ACACA: variants seen among roughly 807,000 people sequenced by gnomAD.
ACACA encodes acetyl-CoA carboxylase alpha, also known as acetyl-CoA carboxylase 1.
In ACACA, 103 loss-of-function variants were observed where a neutral mutation model predicts 296.1. The ratio of observed to expected loss-of-function variants is 0.35; its 90% CI spans 0.30 to 0.41. ACACA has a LOEUF of 0.41. Ranked by LOEUF, ACACA falls within the 10% of genes least tolerant of loss-of-function variation. The pLI, the probability that ACACA is intolerant of heterozygous loss-of-function variation, is 1.00. For synonymous variants in ACACA, 953 were observed against 1,038.6 expected (o/e 0.92, Z 1.58); for missense variants, 1,554 against 2,989.7 (o/e 0.52, Z 11.20).
intron 17 of ACACA, 98 bp from the exon 18 acceptor site, chr17:37,248,254 G>A (rs1445678546): frequency 3.5e-6 from 5 of 1,446,592 alleles, no homozygotes; most frequent in Non-Finnish European, 3.9e-6. Flanking sequence ...AGATCTGTCA[G>A]GAGGAAGAAA....
chr17:37,169,494 C>G (rs953581233), intron 41 of ACACA, among the ~76,000 whole-genome samples: 7 of 152,206 alleles, frequency 4.6e-5, no homozygotes, highest in African/African-American at 1.7e-4. Context: ...AGAATAGCTT[C>G]ATCTCAAAGG....
chr17:37,140,444 T>C (rs567632412), intron 45 of ACACA, among the ~76,000 whole-genome samples: 1 of 152,234 alleles, frequency 6.6e-6, no homozygotes, highest in East Asian at 1.9e-4. Flanking sequence ...CTCCCCAGCC[T>C]AAAACAGTTC....
At chr17:37,189,759 G>A (rs2077674952) in intron 38 of ACACA, among the ~76,000 whole-genome samples, 1 of 152,180 alleles carries the variant, frequency 6.6e-6, no homozygotes, top group South Asian at 2.1e-4. Context: ...GATGAGATTT[G>A]AGTCAAATGA....
intron 11 of ACACA, among the ~76,000 whole-genome samples, chr17:37,262,350 C>T (rs948230832): frequency 4.6e-5 from 7 of 152,178 alleles, no homozygotes; most frequent in Non-Finnish European, 8.8e-5. Flanking sequence ...CTTCCATATG[C>T]TTGCCCTCCA....
In ACACA at chr17:37,406,423, ATCAG is replaced by A; in HGVS notation, c.-128_-125del. ...AAACGCACCCTCTTCACCCCTTAAA[ATCAG>A]TCTGGTTCATCCACGAGCAGCCCTT... On this transcript the variant is annotated 5_prime_UTR_variant, in exon 1 of 56. The change abolishes the stop of an existing upstream ORF in the 5' untranslated region. Transcript: ENST00000616317. 9.1e-7 allele frequency: 1 copy of A among 1,104,102 alleles called. No individual in the cohort carries two copies. The highest frequency in any genetic ancestry group is 1.4e-6 in the Non-Finnish European group (1 of 723,354). 68.4% of individuals were successfully genotyped at this position (1,104,102 alleles called of 1,614,324 possible). A position where few individuals can be genotyped will look rare whatever the true frequency, so the allele number is the denominator to read the frequency against.
chr17:37,264,307 G>C (rs959843537), intron 10 of ACACA, among the ~76,000 whole-genome samples: 35 of 152,134 alleles, frequency 2.3e-4, no homozygotes, highest in African/African-American at 8.2e-4. Flanking sequence ...TGCAGCCAAA[G>C]GACTTTCATC....
In ACACA at chr17:37,130,115, C is replaced by T; in HGVS notation, c.5783G>A (p.Gly1928Glu). The change falls in exon 46 of 56, where the codon GGG (glycine) becomes GAG (glutamate). Residue 1928 changes from glycine (G) to glutamate (E), a missense_variant. Coordinates refer to ENST00000616317, the MANE Select transcript of ACACA (RefSeq NM_198834.3). ...CAGCCAGTGCAGGACAGTGAAAACC[C>T]CTTCAAAGTCATCACACACAGTGCA... The part of the protein sequence containing the change: ...THCTVCDDFE[G>E]VFTVLHWLSY... The T allele has an allele frequency of 1.2e-6, 2 of 1,614,148 alleles. No homozygotes were observed. Among genetic ancestry groups the T allele is most frequent in the Non-Finnish European group, 1.7e-6 (2 of 1,180,022 alleles).
chr17:37,217,642 G>A (rs959916712), intron 29 of ACACA, among the ~76,000 whole-genome samples: 27 of 144,528 alleles, frequency 1.9e-4, no homozygotes, highest in Non-Finnish European at 3.3e-4. Flanking sequence ...GGCTGAGGCA[G>A]GATAATCGCT....
In ACACA at chr17:37,113,803, ATAGT is replaced by A. The variant is rs1398790643; in HGVS notation, c.6275-542_6275-539del. On this transcript the variant is annotated intron_variant, in intron 50 of 55. Transcript: ENST00000616317. The surrounding 1 kb of genome is among the most constrained non-coding windows in gnomAD (Gnocchi z 4.0). ...CGATATCCCTGCCCAGTGCCTGAAC[ATAGT>A]TAGTGCTCAACAAATATCTGCTGAA... 6.6e-6 allele frequency among the ~76,000 whole-genome samples: 1 copy of A among 152,230 alleles called. No individual in the cohort carries two copies. The highest frequency in any genetic ancestry group is 2.4e-5 in the African/African-American group (1 of 41,458).
chr17:37,302,335 G>A (rs906954289), intron 3 of ACACA, among the ~76,000 whole-genome samples: 5 of 151,660 alleles, frequency 3.3e-5, no homozygotes, highest in East Asian at 1.9e-4. Context: ...TCAGCCTCCC[G>A]AGTAGCTGGG....
intron 35 of ACACA, among the ~76,000 whole-genome samples, chr17:37,194,940 C>A (rs915098623): frequency 6.6e-6 from 1 of 151,844 alleles, no homozygotes; most frequent in Non-Finnish European, 1.5e-5. Context: ...GACACCCCCC[C>A]CACCCGTTAT....
chr17:37,261,644 G>A (rs2081519126), intron 11 of ACACA, among the ~76,000 whole-genome samples: 1 of 152,156 alleles, frequency 6.6e-6, no homozygotes, highest in East Asian at 1.9e-4. Flanking sequence ...AATGTCAGGT[G>A]TCTTGAAGGA....
chr17:37,148,946 G>A (rs1305257767), intron 45 of ACACA, among the ~76,000 whole-genome samples: 1 of 152,192 alleles, frequency 6.6e-6, no homozygotes, highest in Non-Finnish European at 1.5e-5. Context: ...AGATAAGAAA[G>A]CTGAGGAGCT....
intron 41 of ACACA, among the ~76,000 whole-genome samples, chr17:37,176,817 C>A (rs2077133121): frequency 6.6e-6 from 1 of 152,106 alleles, no homozygotes; most frequent in East Asian, 1.9e-4. Flanking sequence ...AACCTCATTC[C>A]TGTTGTGCAG....
intron 41 of ACACA, among the ~76,000 whole-genome samples, chr17:37,176,182 T>C (rs376981508): frequency 1.3e-5 from 2 of 152,198 alleles, no homozygotes; most frequent in Non-Finnish European, 2.9e-5. Flanking sequence ...AGCACCTCAA[T>C]TCATGGGAAA....
At chr17:37,316,950 G>A (rs2047122652) in intron 3 of ACACA, among the ~76,000 whole-genome samples, 1 of 151,974 alleles carries the variant, frequency 6.6e-6, no homozygotes, top group Non-Finnish European at 1.5e-5. Flanking sequence ...GTGTACGTCT[G>A]TAGTCCCATC....
intron 1 of ACACA, among the ~76,000 whole-genome samples, chr17:37,385,304 T>C (rs1009119671): frequency 6.6e-6 from 1 of 152,098 alleles, no homozygotes; most frequent in African/African-American, 2.4e-5. Flanking sequence ...AAACCCCATC[T>C]CTACCAAAAA....
intron 48 of ACACA, chr17:37,122,913 C>T: frequency 2.0e-6 from 1 of 509,660 alleles, no homozygotes; most frequent in South Asian, 2.0e-5. Context: ...CATTTAGACT[C>T]AACAGCCTAG....
intron 1 of ACACA, among the ~76,000 whole-genome samples, chr17:37,365,141 C>T (rs1321848669): frequency 6.6e-6 from 1 of 152,042 alleles, no homozygotes; most frequent in Non-Finnish European, 1.5e-5. Context: ...GTATTTCCGG[C>T]AGAGACAGAG....
Sources: allele counts gnomAD v4.1 joint callset (sites outside exome capture counted in the v4.1 genomes callset), GRCh38; gene constraint gnomAD v4.1.1; non-coding constraint Gnocchi (gnomAD v3.1); transcripts MANE v1.5; gene names NCBI Gene and HGNC (gene_info 2026-07-23, HGNC 2026-07-21).